The following VPS41 variants were observed in gnomAD, a reference collection of about 807,000 sequenced individuals.
VPS41 encodes the protein VPS41 subunit of HOPS complex, also known as vacuolar protein sorting-associated protein 41 homolog.
VPS41 carries 85 observed loss-of-function variants against 130.9 expected under a neutral mutation model. That is an observed-to-expected ratio of 0.65 (90% CI 0.55 to 0.78). The LOEUF is 0.78. Ranked by LOEUF, VPS41 falls within the 30% of genes least tolerant of loss-of-function variation. The pLI, the probability that VPS41 is intolerant of heterozygous loss-of-function variation, is 0.00. For missense variants in VPS41, 874 were observed against 1,018.7 expected (o/e 0.86, Z 1.93); for synonymous variants, 335 against 332.9 (o/e 1.01, Z -0.07).
chr7:38,834,783 A>AT (rs538623977), intron 4 of VPS41, among the ~76,000 whole-genome samples: 112 of 151,180 alleles, frequency 7.4e-4, no homozygotes, highest in African/African-American at 2.0e-3. Flanking sequence ...TTTTTTTTTC[A>AT]TTTTTTTTCC....
At chr7:38,742,394 T>C (rs1008658339) in intron 24 of VPS41, among the ~76,000 whole-genome samples, 1 of 152,164 alleles carries the variant, frequency 6.6e-6, no homozygotes, top group Non-Finnish European at 1.5e-5. Context: ...GCCTTCAAAA[T>C]ACAGTTTTTA....
chr7:38,754,067 T>C lies in VPS41; in HGVS notation c.1788+635A>G, dbSNP rs1783737059. ...AACTATTCCTGCTTTACTCTCATGATGATGCAATGCAGAGAATTGAAGTAG... is the reference window on the plus strand; with the variant it reads ...AACTATTCCTGCTTTACTCTCATGACGATGCAATGCAGAGAATTGAAGTAG... On this transcript the variant is annotated intron_variant, in intron 21 of 28. Transcript: ENST00000310301. Among the ~76,000 whole-genome samples the C allele has an allele frequency of 1.3e-5, 2 of 152,124 alleles. 1 individual carries two copies. Among genetic ancestry groups the C allele is most frequent in the African/African-American group, 4.8e-5 (2 of 41,410 alleles).
In VPS41 at chr7:38,741,958, C is replaced by T. The variant is rs80031278; in HGVS notation, c.2259+27G>A. The T allele has an allele frequency of 2.2e-3, 3,620 of 1,611,116 alleles. 85 individuals are homozygous for T. The African/African-American group carries it at 0.041, about 18-fold the overall frequency. Reference sequence around the variant, plus strand: ...AGTACTAAGTCAACTAATTCAGATGCTCATTTGTCCAAGAAAGGATACTTA... The same window carrying T: ...AGTACTAAGTCAACTAATTCAGATGTTCATTTGTCCAAGAAAGGATACTTA... On this transcript the variant is annotated intron_variant, in intron 25 of 28. Transcript: ENST00000310301.
chr7:38,843,875 T>C (rs1008518978), intron 4 of VPS41, among the ~76,000 whole-genome samples: 1 of 152,132 alleles, frequency 6.6e-6, no homozygotes, highest in Admixed American at 6.5e-5. Flanking sequence ...GGGTAAGTGA[T>C]AAAAAGTGGC....
chr7:38,775,216 T>A (rs2115861656), intron 11 of VPS41: 1 of 152,278 alleles, frequency 6.6e-6, no homozygotes, highest in Middle Eastern at 3.4e-3. Flanking sequence ...CTTAATTTTA[T>A]GAGTTTATTC....
At chr7:38,740,058 G>A (rs1795852100) in intron 25 of VPS41, among the ~76,000 whole-genome samples, 1 of 152,170 alleles carries the variant, frequency 6.6e-6, no homozygotes, top group African/African-American at 2.4e-5. Flanking sequence ...CCTAGTCATA[G>A]GGATGCACTA....
chr7:38,886,035 C>T (rs192410539), intron 2 of VPS41, among the ~76,000 whole-genome samples: 1 of 152,068 alleles, frequency 6.6e-6, no homozygotes, highest in East Asian at 1.9e-4. Context: ...GTCGTCACTT[C>T]CAAGATGGCC....
intron 2 of VPS41, among the ~76,000 whole-genome samples, chr7:38,869,462 A>G (rs1786300556): frequency 6.6e-6 from 1 of 152,208 alleles, no homozygotes; most frequent in African/African-American, 2.4e-5. Context: ...TCAAAAGTTG[A>G]AAACAAGAGT....
At chr7:38,907,787 A>C (rs1787300424) in intron 1 of VPS41, among the ~76,000 whole-genome samples, 1 of 152,206 alleles carries the variant, frequency 6.6e-6, no homozygotes, top group South Asian at 2.1e-4. Flanking sequence ...GAACATATGA[A>C]ACTCAGTTTT....
chr7:38,760,230 G>C (rs1408018443), intron 17 of VPS41, among the ~76,000 whole-genome samples: 1 of 152,126 alleles, frequency 6.6e-6, no homozygotes, highest in Non-Finnish European at 1.5e-5. Context: ...ACAAAAACAT[G>C]TTCATAAGAC....
Position 38,869,064 on chromosome 7 carries a change from C to T in VPS41, c.168+82G>A, listed in dbSNP as rs184986447. 2.1e-5 allele frequency: 23 copies of T among 1,096,556 alleles called. No homozygotes were observed. The Admixed American group carries it at 3.4e-4, about 16-fold the overall frequency. 67.9% of individuals were successfully genotyped at this position (1,096,556 alleles called of 1,614,324 possible). On this transcript the variant is annotated intron_variant, in intron 3 of 28. Transcript: ENST00000310301. ...CAGAATCACTGTAAAAAGCCACCACCAAAAACATCAGGACTCCAAAGCACA... is the reference window on the plus strand; with the variant it reads ...CAGAATCACTGTAAAAAGCCACCACTAAAAACATCAGGACTCCAAAGCACA...
chr7:38,740,056 T>C (rs1795852056), intron 25 of VPS41, among the ~76,000 whole-genome samples: 1 of 152,166 alleles, frequency 6.6e-6, no homozygotes, highest in African/African-American at 2.4e-5. Context: ...GACCTAGTCA[T>C]AGGGATGCAC....
rs1417564995 is a variant in VPS41, at chr7:38,754,600, T to A, written c.1788+102A>T. On this transcript the variant is annotated intron_variant, in intron 21 of 28. Coordinates refer to ENST00000310301, the MANE Select transcript of VPS41 (RefSeq NM_014396.4). ...GAAACCTCCAACTGGAATATTAACC[T>A]CCTTGAAGAATTCACTCCAGTATCC... 2.0e-5 allele frequency: 18 copies of A among 921,826 alleles called. No homozygotes were observed. The East Asian group carries it at 4.6e-4, about 23-fold the overall frequency. The allele number at this position is 921,826 out of a possible 1,614,324, so 57.1% of individuals were successfully genotyped here.
chr7:38,814,581 C>T (rs1375982882), intron 7 of VPS41, among the ~76,000 whole-genome samples: 2 of 152,014 alleles, frequency 1.3e-5, no homozygotes, highest in Non-Finnish European at 2.9e-5. Context: ...ACCCGGCAGG[C>T]AGAGCTTGCA....
At chr7:38,752,379 C>A in intron 21 of VPS41, 66 bp from the exon 22 acceptor site, 1 of 1,590,896 alleles carries the variant, frequency 6.3e-7, no homozygotes, top group Non-Finnish European at 8.6e-7. Context: ...GCTAACATTG[C>A]TATTTTTAGC....
intron 2 of VPS41, among the ~76,000 whole-genome samples, chr7:38,891,381 T>A (rs535995605): frequency 6.6e-6 from 1 of 152,238 alleles, no homozygotes; most frequent in Non-Finnish European, 1.5e-5. Context: ...TGGCCTTGTA[T>A]GCTTTTCCTT....
intron 8 of VPS41, chr7:38,796,475 T>G (rs891149492): frequency 3.6e-6 from 2 of 552,956 alleles, no homozygotes; most frequent in African/African-American, 1.9e-5. Context: ...CTTCAATTAT[T>G]AAGATAGCTT....
chr7:38,868,457 C>T (rs1435413195), intron 3 of VPS41, among the ~76,000 whole-genome samples: 2 of 152,160 alleles, frequency 1.3e-5, no homozygotes, highest in African/African-American at 4.8e-5. Context: ...ATGGATCAGA[C>T]AAGAGCAGTT....
chr7:38,854,001 C>T (rs1374531763), intron 4 of VPS41, among the ~76,000 whole-genome samples: 1 of 152,170 alleles, frequency 6.6e-6, no homozygotes, highest in Non-Finnish European at 1.5e-5. Flanking sequence ...AAATACTTAA[C>T]CCACAAACTT....
Sources: allele counts gnomAD v4.1 joint callset (sites outside exome capture counted in the v4.1 genomes callset), GRCh38; gene constraint gnomAD v4.1.1; transcripts MANE v1.5; gene names NCBI Gene and HGNC (gene_info 2026-07-23, HGNC 2026-07-21).